PPM1H: variants seen among roughly 807,000 people sequenced by gnomAD.
PPM1H encodes the protein protein phosphatase, Mg2+/Mn2+ dependent 1H, also known as protein phosphatase 1H.
Under a neutral mutation model 54.9 loss-of-function variants are expected in PPM1H, and 27 were observed. That is an observed-to-expected ratio of 0.49 (90% CI 0.36 to 0.68). PPM1H has a LOEUF of 0.68. PPM1H is among the 30% of genes least tolerant of loss of function. The pLI is 0.00. For missense variants in PPM1H, 596 were observed against 667.8 expected, an observed-to-expected ratio of 0.89 and a Z score of 1.19; for synonymous variants, 305 against 270.8, an observed-to-expected ratio of 1.13 and a Z score of -1.24.
rs188368800 is a variant in PPM1H, at chr12:62,840,968, C to T, written c.246-8689G>A. On this transcript the variant is annotated intron_variant, in intron 1 of 9. Coordinates refer to ENST00000228705, the MANE Select transcript of PPM1H (RefSeq NM_020700.2). The stretch of plus-strand genomic sequence containing the variant: ...AGGTTGTGAACCGAACAATGGCTCT[C>T]GGTGGAAGGGAAGAGAGTAGGCGAA... Among the ~76,000 whole-genome samples, 7 of 151,634 alleles carry T rather than the reference C, an allele frequency of 4.6e-5. No homozygotes were observed. The East Asian group carries it at 9.7e-4, about 21-fold the overall frequency.
At position 62,934,512 on chromosome 12, in the gene PPM1H, G is replaced by C. The variant is rs1872257034; in HGVS notation, c.225C>G (p.Pro75=). 1.3e-6 allele frequency: 2 copies of C among 1,548,002 alleles called. No individual in the cohort carries two copies. The highest frequency in any genetic ancestry group is 2.5e-5 in the East Asian group (1 of 40,526). The change falls in exon 1 of 10, where the codon CCC becomes CCG. Residue 75 remains proline, a synonymous_variant. Coordinates refer to ENST00000228705, the MANE Select transcript of PPM1H (RefSeq NM_020700.2). This position sits in a 1 kb window ranked among gnomAD's most constrained non-coding sequence, Gnocchi z 4.2. ...ILILKETRRL[P]WATGYAEVIN... Reference sequence around the variant, plus strand: ...CTCACTCTGCGTAGCCAGTGGCCCAGGGCAGCCGCCGAGTCTCCTTGAGGA... The same window carrying C: ...CTCACTCTGCGTAGCCAGTGGCCCACGGCAGCCGCCGAGTCTCCTTGAGGA...
intron 9 of PPM1H, among the ~76,000 whole-genome samples, chr12:62,658,386 T>C (rs969655512): frequency 2.0e-5 from 3 of 152,084 alleles, no homozygotes; most frequent in African/African-American, 4.8e-5. Flanking sequence ...CCTTCAGTAA[T>C]AGTAACAATT....
At chr12:62,734,744 T>G (rs1179140204) in intron 5 of PPM1H, among the ~76,000 whole-genome samples, 1 of 152,134 alleles carries the variant, frequency 6.6e-6, no homozygotes, top group African/African-American at 2.4e-5. Flanking sequence ...TGGGTTTCAA[T>G]AAAGAGCAGG....
intron 1 of PPM1H, among the ~76,000 whole-genome samples, chr12:62,849,352 A>G (rs1222655190): frequency 6.6e-6 from 1 of 152,248 alleles, no homozygotes; most frequent in East Asian, 1.9e-4. Flanking sequence ...GAGCCTCCCA[A>G]CAACAAGATA....
At chr12:62,782,893 T>G (rs2076650038) in intron 4 of PPM1H, among the ~76,000 whole-genome samples, 1 of 152,178 alleles carries the variant, frequency 6.6e-6, no homozygotes, top group Non-Finnish European at 1.5e-5. Context: ...AGTGGTGTGA[T>G]CACGGCTCAC....
chr12:62,673,324 T>A (rs1165485157), intron 8 of PPM1H, among the ~76,000 whole-genome samples: 1 of 152,240 alleles, frequency 6.6e-6, no homozygotes, highest in Non-Finnish European at 1.5e-5. Context: ...CTCCACTTAG[T>A]GCTCGGCTGC....
intron 1 of PPM1H, among the ~76,000 whole-genome samples, chr12:62,901,546 TAC>T (rs1871163762): frequency 6.6e-6 from 1 of 152,216 alleles, no homozygotes; most frequent in African/African-American, 2.4e-5. Flanking sequence ...TAAAATTATA[TAC>T]GTCTTTATAG....
chr12:62,926,616 A>C (rs1451814850), intron 1 of PPM1H, among the ~76,000 whole-genome samples: 2 of 152,184 alleles, frequency 1.3e-5, no homozygotes, highest in Non-Finnish European at 2.9e-5. Flanking sequence ...AATATGAAAC[A>C]TTATCTCAAC....
At chr12:62,848,703 T>C (rs1183481934) in intron 1 of PPM1H, among the ~76,000 whole-genome samples, 1 of 152,160 alleles carries the variant, frequency 6.6e-6, no homozygotes, top group Non-Finnish European at 1.5e-5. Context: ...GCACTGGAAT[T>C]CCCCTGCAAC....
At chr12:62,675,926 C>A (rs2075982880) in intron 8 of PPM1H, among the ~76,000 whole-genome samples, 1 of 152,212 alleles carries the variant, frequency 6.6e-6, no homozygotes, top group Non-Finnish European at 1.5e-5. Flanking sequence ...CCGCTGATTG[C>A]AGTTGTTCTG....
rs760309407 is a variant in PPM1H, at chr12:62,675,368, A to G, written c.1246-8039T>C. Among the ~76,000 whole-genome samples the G allele has an allele frequency of 3.9e-5, 6 of 152,238 alleles. No homozygotes were observed. The East Asian group carries it at 5.8e-4, about 15-fold the overall frequency. ...CACGTTACAATTCTCTGGGTTTCCAATGGTTTGTTCACCACTAGATCCAAA... is the reference window on the plus strand; with the variant it reads ...CACGTTACAATTCTCTGGGTTTCCAGTGGTTTGTTCACCACTAGATCCAAA... On this transcript the variant is annotated intron_variant, in intron 8 of 9. Transcript: ENST00000228705.
At chr12:62,738,773 C>A (rs1247374323) in intron 4 of PPM1H, among the ~76,000 whole-genome samples, 4 of 152,138 alleles carry the variant, frequency 2.6e-5, no homozygotes, top group African/African-American at 9.7e-5. Context: ...TGCCTTCGAT[C>A]AGCTCAGATC....
chr12:62,823,627 A>G lies in PPM1H; in HGVS notation c.411+8487T>C, dbSNP rs185059169. ...ATCAATAAACATAATCCATCACATA[A>G]ACAGAACCAATGACAAAAACCACAT... On this transcript the variant is annotated intron_variant, in intron 2 of 9. Coordinates refer to ENST00000228705, the MANE Select transcript of PPM1H (RefSeq NM_020700.2). Among the ~76,000 whole-genome samples, 18 of 152,304 alleles carry G rather than the reference A, an allele frequency of 1.2e-4. No homozygotes were observed. The East Asian group carries it at 3.3e-3, about 28-fold the overall frequency.
At chr12:62,868,634 C>G (rs546894060) in intron 1 of PPM1H, among the ~76,000 whole-genome samples, 1 of 152,182 alleles carries the variant, frequency 6.6e-6, no homozygotes, top group Non-Finnish European at 1.5e-5. Flanking sequence ...TTTACACTTA[C>G]CTCAAGAATA....
At chr12:62,669,310 C>A (rs1235966915) in intron 8 of PPM1H, among the ~76,000 whole-genome samples, 1 of 152,186 alleles carries the variant, frequency 6.6e-6, no homozygotes, top group East Asian at 1.9e-4. Flanking sequence ...CTTTATTTTC[C>A]ATGGTTCTTC....
In PPM1H at chr12:62,753,615, C is replaced by T. The variant is rs1239488032; in HGVS notation, c.870-16029G>A. ...CTTGAAGCCTTGTTGGATGTAAAAT[C>T]GGAACTGTTCTGTTCCCTCTTGGAA... On this transcript the variant is annotated intron_variant, in intron 4 of 9. Transcript: ENST00000228705. 5.9e-5 allele frequency among the ~76,000 whole-genome samples: 9 copies of T among 152,326 alleles called. No homozygotes were observed. In the South Asian group the frequency reaches 1.5e-3, roughly 25 times the overall value.
At chr12:62,894,245 G>A (rs1333639550) in intron 1 of PPM1H, among the ~76,000 whole-genome samples, 1 of 152,204 alleles carries the variant, frequency 6.6e-6, no homozygotes, top group Non-Finnish European at 1.5e-5. Flanking sequence ...TTCCGTGGCA[G>A]AGGCCCCAGG....
chr12:62,827,704 C>A (rs1213569745), intron 2 of PPM1H, among the ~76,000 whole-genome samples: 2 of 152,032 alleles, frequency 1.3e-5, no homozygotes, highest in East Asian at 1.9e-4. Flanking sequence ...CTATAAGAAA[C>A]CCCCATTTCT....
chr12:62,871,427 T>C (rs1869977622), intron 1 of PPM1H, among the ~76,000 whole-genome samples: 2 of 152,144 alleles, frequency 1.3e-5, no homozygotes, highest in Non-Finnish European at 2.9e-5. Context: ...ACAGTGTTTC[T>C]TTTTGGGGTG....
Sources: allele counts gnomAD v4.1 joint callset (sites outside exome capture counted in the v4.1 genomes callset), GRCh38; gene constraint gnomAD v4.1.1; non-coding constraint Gnocchi (gnomAD v3.1); transcripts MANE v1.5; gene names NCBI Gene and HGNC (gene_info 2026-07-23, HGNC 2026-07-21).